The following AGBL4 variants were observed in gnomAD, a reference collection of about 807,000 sequenced individuals.
AGBL4 encodes the protein AGBL carboxypeptidase 4, also known as cytosolic carboxypeptidase 6.
In AGBL4, 58 loss-of-function variants were observed where a neutral mutation model predicts 66.4. That is an observed-to-expected ratio of 0.87 (90% confidence interval 0.71 to 1.09). AGBL4 has a LOEUF of 1.09. Among genes scored for constraint, AGBL4 ranks in the 50% least tolerant of loss-of-function variants. AGBL4 has a pLI of 0.00. For missense variants in AGBL4, 579 were observed against 631.0 expected (o/e 0.92, Z 0.88); for synonymous variants, 234 against 222.9 (o/e 1.05, Z -0.44).
intron 3 of AGBL4, among the ~76,000 whole-genome samples, chr1:49,338,701 C>T (rs1645483244): frequency 6.6e-6 from 1 of 152,088 alleles, no homozygotes; most frequent in South Asian, 2.1e-4. Context: ...AAGTAAAATG[C>T]CAAGGCCAAA....
chr1:49,716,762 T>C (rs945648515), intron 2 of AGBL4, among the ~76,000 whole-genome samples: 1 of 152,088 alleles, frequency 6.6e-6, no homozygotes, highest in Non-Finnish European at 1.5e-5. Flanking sequence ...AAACTAGGTA[T>C]TGATGGAACA....
At chr1:49,508,113 A>AT in intron 3 of AGBL4, among the ~76,000 whole-genome samples, 1 of 152,090 alleles carries the variant, frequency 6.6e-6, no homozygotes, top group South Asian at 2.1e-4. Flanking sequence ...AGATTAAACA[A>AT]TCAATATTTT....
chr1:49,832,061 A>G (rs889952455), intron 2 of AGBL4, among the ~76,000 whole-genome samples: 14 of 151,746 alleles, frequency 9.2e-5, no homozygotes, highest in Admixed American at 8.6e-4. Flanking sequence ...TTAGTTACAT[A>G]TGTATACACG....
At chr1:49,566,430 T>C (rs1644207004) in intron 3 of AGBL4, among the ~76,000 whole-genome samples, 4 of 152,232 alleles carry the variant, frequency 2.6e-5, no homozygotes, top group Non-Finnish European at 4.4e-5. Flanking sequence ...TTTGTGGTTT[T>C]ATCTACCTTT....
downstream of AGBL4, among the ~76,000 whole-genome samples, chr1:48,531,305 C>T (rs1343608031): frequency 6.6e-6 from 1 of 151,972 alleles, no homozygotes; most frequent in East Asian, 1.9e-4. Flanking sequence ...GCATTAAGTA[C>T]TAACTATACT....
chr1:49,098,966 C>T (rs777357666), intron 4 of AGBL4, among the ~76,000 whole-genome samples: 1 of 152,088 alleles, frequency 6.6e-6, no homozygotes, highest in African/African-American at 2.4e-5. Flanking sequence ...AATATAATTT[C>T]CGGCACGAGG....
At chr1:50,001,236 C>A (rs1027592452) in intron 1 of AGBL4, among the ~76,000 whole-genome samples, 4 of 150,470 alleles carry the variant, frequency 2.7e-5, no homozygotes, top group Non-Finnish European at 5.9e-5. Flanking sequence ...AAAAGACATA[C>A]TTTATGTATA....
chr1:49,243,541 A>G (rs189086757), intron 4 of AGBL4, among the ~76,000 whole-genome samples: 2 of 151,976 alleles, frequency 1.3e-5, no homozygotes, highest in Admixed American at 1.3e-4. Context: ...ATTCAACAGT[A>G]GCAAGGAGAA....
At chr1:49,545,682 T>A (rs1282247220) in intron 3 of AGBL4, among the ~76,000 whole-genome samples, 1 of 152,178 alleles carries the variant, frequency 6.6e-6, no homozygotes, top group African/African-American at 2.4e-5. Context: ...AAATGAAACA[T>A]ATGTAAAATT....
At chr1:49,566,133 C>T (rs952348203) in intron 3 of AGBL4, among the ~76,000 whole-genome samples, 1 of 152,190 alleles carries the variant, frequency 6.6e-6, no homozygotes, top group Non-Finnish European at 1.5e-5. Context: ...AGTTCTTGTG[C>T]CATGGTTTTC....
At chr1:48,899,161 A>G (rs1651840454) in intron 5 of AGBL4, among the ~76,000 whole-genome samples, 1 of 152,220 alleles carries the variant, frequency 6.6e-6, no homozygotes, top group Admixed American at 6.5e-5. Context: ...GAACGGCGCC[A>G]GCCCGAGTGA....
In AGBL4 at chr1:49,601,978, T is replaced by C. The variant is rs537161514; in HGVS notation, c.282+95335A>G. Among the ~76,000 whole-genome samples the C allele has an allele frequency of 4.1e-4, 63 of 152,174 alleles. No individual in the cohort carries two copies. In the South Asian group the frequency reaches 0.013, roughly 31 times the overall value. On this transcript the variant is annotated intron_variant, in intron 3 of 13. Transcript: ENST00000371839. ...TCTGACAAAGGGCTAATATCCAGAA[T>C]CCACAAAGAATTTAAACAAATTTAC... is the stretch of plus-strand genomic sequence containing the variant.
intron 2 of AGBL4, among the ~76,000 whole-genome samples, chr1:49,741,090 C>CA (rs1263842961): frequency 6.6e-6 from 1 of 151,950 alleles, no homozygotes; most frequent in Admixed American, 6.6e-5. Flanking sequence ...AAAAACCCTT[C>CA]AAAAAATCAA....
intron 11 of AGBL4, among the ~76,000 whole-genome samples, chr1:48,563,705 T>C (rs1278605191): frequency 6.6e-6 from 1 of 152,036 alleles, no homozygotes; most frequent in Non-Finnish European, 1.5e-5. Flanking sequence ...TCTTAAAACA[T>C]ACAGAAGGAC....
chr1:48,631,567 T>C (rs534857397), intron 9 of AGBL4, among the ~76,000 whole-genome samples: 2 of 152,168 alleles, frequency 1.3e-5, no homozygotes, highest in South Asian at 4.1e-4. Flanking sequence ...ATTTTTTTTG[T>C]ATTTTTAGTA....
intron 3 of AGBL4, among the ~76,000 whole-genome samples, chr1:49,615,305 G>A (rs527757453): frequency 2.2e-4 from 33 of 152,214 alleles, no homozygotes; most frequent in African/African-American, 6.7e-4. Context: ...AACTCAGCTA[G>A]AAAAGAGAAT....
At chr1:49,181,593 A>G (rs897871539) in intron 4 of AGBL4, among the ~76,000 whole-genome samples, 4 of 152,198 alleles carry the variant, frequency 2.6e-5, no homozygotes, top group Non-Finnish European at 4.4e-5. Context: ...GTTAAATGAG[A>G]TAATGCATTT....
intron 1 of AGBL4, among the ~76,000 whole-genome samples, chr1:49,972,246 G>A (rs968060752): frequency 2.0e-5 from 3 of 151,896 alleles, no homozygotes; most frequent in Non-Finnish European, 2.9e-5. Context: ...TTGCCTAGTG[G>A]TGTTTTAGTG....
chr1:50,000,326 G>C (rs538774583), intron 1 of AGBL4, among the ~76,000 whole-genome samples: 6 of 152,220 alleles, frequency 3.9e-5, no homozygotes, highest in Admixed American at 1.3e-4. Flanking sequence ...AAAATGTTCA[G>C]TGTCACTAAT....
Sources: gnomAD v4.1 joint callset for allele counts (sites outside exome capture counted in the v4.1 genomes callset) on GRCh38, gnomAD v4.1.1 for gene constraint, MANE v1.5 for transcripts, NCBI Gene and HGNC (gene_info 2026-07-23, HGNC 2026-07-21) for gene names.